LRRC38: variants seen among roughly 807,000 people sequenced by gnomAD.
The protein encoded by LRRC38 is leucine rich repeat containing 38, also known as leucine-rich repeat-containing protein 38.
Under a neutral mutation model 16.4 loss-of-function variants are expected in LRRC38, and 5 were observed. The observed-to-expected ratio is 0.31, with a 90% confidence interval of 0.16 to 0.64. LRRC38 has a LOEUF of 0.64. Among genes scored for constraint, LRRC38 ranks in the 30% least tolerant of loss-of-function variants. LRRC38 has a pLI of 0.80. For synonymous variants in LRRC38, 191 were observed against 190.2 expected (o/e 1.00, Z -0.04); for missense variants, 341 against 401.8 (o/e 0.85, Z 1.29).
chr1:13,475,956 A>T lies in LRRC38; in HGVS notation c.775T>A (p.Ser259Thr). 1 of 1,550,528 alleles carries T rather than the reference A, an allele frequency of 6.4e-7. No individual in the cohort carries two copies. The highest frequency in any genetic ancestry group is 8.7e-7 in the Non-Finnish European group (1 of 1,146,984). Reference sequence around the variant, plus strand: ...AAGCTGGAGATGATGGCCGCAATGGACACGGCCACACCGGAGAAAATGATG... The same window carrying T: ...AAGCTGGAGATGATGGCCGCAATGGTCACGGCCACACCGGAGAAAATGATG... ...CIIIFSGVAV[S>T]IAAIISSFFL... The change falls in exon 2 of 2, where the codon TCC (serine) becomes ACC (threonine). Residue 259 changes from serine (S) to threonine (T), a missense_variant. Transcript: ENST00000376085. The surrounding 1 kb of genome is among the most constrained non-coding windows in gnomAD (Gnocchi z 4.3).
At chr1:13,483,361 T>G (rs2940311) in intron 1 of LRRC38, among the ~76,000 whole-genome samples, 1 of 151,984 alleles carries the variant, frequency 6.6e-6, no homozygotes, top group Non-Finnish European at 1.5e-5. Flanking sequence ...TTTGGCCAGG[T>G]TGGTCTCAAA....
Position 13,475,625 on chromosome 1 carries a change from G to A in LRRC38, c.*221C>T, listed in dbSNP as rs570225268. On this transcript the variant is annotated 3_prime_UTR_variant, in exon 2 of 2. Transcript: ENST00000376085. The surrounding 1 kb of genome is among the most constrained non-coding windows in gnomAD (Gnocchi z 4.3). ...ATCTGAGAGGCAGGTTATGCTCCAGGAATAATTCCCTCCATCCTTCCTGGG... is the reference window on the plus strand; with the variant it reads ...ATCTGAGAGGCAGGTTATGCTCCAGAAATAATTCCCTCCATCCTTCCTGGG... The A allele has an allele frequency of 1.4e-4, 80 of 570,590 alleles. No individual in the cohort carries two copies. Among genetic ancestry groups the A allele is most frequent in the Non-Finnish European group, 2.2e-4 (71 of 328,802 alleles). 35.3% of individuals were successfully genotyped at this position (570,590 alleles called of 1,614,324 possible). A position where few individuals can be genotyped will look rare whatever the true frequency, so the allele number is the denominator to read the frequency against.
intron 1 of LRRC38, among the ~76,000 whole-genome samples, chr1:13,494,183 C>T (rs1167875422): frequency 6.6e-6 from 1 of 152,176 alleles, no homozygotes; most frequent in Admixed American, 6.5e-5. Context: ...CTCACACATA[C>T]CCCTAGGTTG....
intron 1 of LRRC38, among the ~76,000 whole-genome samples, chr1:13,489,984 T>C (rs1020388911): frequency 6.6e-6 from 1 of 151,986 alleles, no homozygotes; most frequent in African/African-American, 2.4e-5. Context: ...GCACCAGGGG[T>C]GTGACCTGTG....
chr1:13,504,892 AAG>A (rs1490004912), intron 1 of LRRC38, among the ~76,000 whole-genome samples: 1 of 152,044 alleles, frequency 6.6e-6, no homozygotes, highest in African/African-American at 2.4e-5. Context: ...GAAACAAAGA[AAG>A]AAAAAACAAA....
chr1:13,505,854 G>A (rs1292491332), intron 1 of LRRC38, among the ~76,000 whole-genome samples: 1 of 152,022 alleles, frequency 6.6e-6, no homozygotes, highest in East Asian at 1.9e-4. Flanking sequence ...CTGGCACTTG[G>A]GCGTGTTCCG....
Position 13,476,119 on chromosome 1 carries a change from GGA to G in LRRC38, c.632-22_632-21del. On this transcript the variant is annotated intron_variant, in intron 1 of 1. Transcript: ENST00000376085. ...CAAGGCCTGAGAAAAGGCAGGCAGAGGAGAGAGAGATTTAGACTGCAGCTCAA... is the reference window on the plus strand; with the variant it reads ...CAAGGCCTGAGAAAAGGCAGGCAGAGGAGAGAGATTTAGACTGCAGCTCAA... 3.9e-6 allele frequency: 6 copies of G among 1,549,168 alleles called. No homozygotes were observed. Among genetic ancestry groups the G allele is most frequent in the Non-Finnish European group, 4.4e-6 (5 of 1,145,832 alleles).
chr1:13,483,057 C>A (rs1282664278), intron 1 of LRRC38, among the ~76,000 whole-genome samples: 1 of 152,212 alleles, frequency 6.6e-6, no homozygotes, highest in Admixed American at 6.5e-5. Context: ...GCCTCCCACT[C>A]TCCCAGGCAC....
chr1:13,490,284 G>A (rs867491417), intron 1 of LRRC38, among the ~76,000 whole-genome samples: 7 of 151,696 alleles, frequency 4.6e-5, no homozygotes, highest in South Asian at 2.1e-4. Flanking sequence ...TCAGCCTCCC[G>A]AGTAGCTGGA....
At chr1:13,479,735 G>T (rs1391871019) in intron 1 of LRRC38, among the ~76,000 whole-genome samples, 1 of 152,174 alleles carries the variant, frequency 6.6e-6, no homozygotes, top group African/African-American at 2.4e-5. Flanking sequence ...GAAAGAAGAA[G>T]AGTTGGACGA....
chr1:13,505,004 G>A (rs527728747), intron 1 of LRRC38, among the ~76,000 whole-genome samples: 2 of 152,250 alleles, frequency 1.3e-5, no homozygotes, highest in Admixed American at 1.3e-4. Flanking sequence ...TGACTGTTCA[G>A]GACCAAGTGT....
chr1:13,512,323 G>A (rs1381151089), intron 1 of LRRC38, among the ~76,000 whole-genome samples: 3 of 152,204 alleles, frequency 2.0e-5, no homozygotes, highest in Non-Finnish European at 4.4e-5. Context: ...CATTGGAAGC[G>A]TGCACCAGGA....
At chr1:13,508,544 A>G (rs1639238162) in intron 1 of LRRC38, among the ~76,000 whole-genome samples, 1 of 152,264 alleles carries the variant, frequency 6.6e-6, no homozygotes, top group African/African-American at 2.4e-5. Flanking sequence ...CAATCTGTTT[A>G]CATATATGTA....
At chr1:13,483,058 T>A (rs12047397) in intron 1 of LRRC38, among the ~76,000 whole-genome samples, 13,516 of 151,908 alleles carry the variant, frequency 0.089, 760 homozygotes, top group East Asian at 0.23. Flanking sequence ...CCTCCCACTC[T>A]CCCAGGCACG....
intron 1 of LRRC38, among the ~76,000 whole-genome samples, chr1:13,493,629 A>C (rs1639044337): frequency 6.6e-6 from 1 of 152,252 alleles, no homozygotes; most frequent in Admixed American, 6.5e-5. Context: ...GTCCTTATAA[A>C]AGGGAGGCAG....
chr1:13,502,192 C>T (rs1639159699), intron 1 of LRRC38, among the ~76,000 whole-genome samples: 2 of 151,522 alleles, frequency 1.3e-5, no homozygotes, highest in South Asian at 2.1e-4. Flanking sequence ...CTGCCCGCCT[C>T]GGCCTCCCAA....
chr1:13,510,711 A>G (rs547421491), intron 1 of LRRC38, among the ~76,000 whole-genome samples: 1 of 152,286 alleles, frequency 6.6e-6, no homozygotes, highest in South Asian at 2.1e-4. Flanking sequence ...GCCAAGCAAG[A>G]CGGTGTTCTT....
chr1:13,489,059 T>C (rs1249989534), intron 1 of LRRC38, among the ~76,000 whole-genome samples: 1 of 152,206 alleles, frequency 6.6e-6, no homozygotes, highest in African/African-American at 2.4e-5. Context: ...GTGGCTCATC[T>C]ACACAGTAAA....
chr1:13,477,896 G>T (rs893082286), intron 1 of LRRC38, among the ~76,000 whole-genome samples: 3 of 152,178 alleles, frequency 2.0e-5, no homozygotes, highest in Admixed American at 1.3e-4. Context: ...GTGAACATAG[G>T]AGAATTTAGC....
Sources: gnomAD v4.1 joint callset for allele counts (sites outside exome capture counted in the v4.1 genomes callset) on GRCh38, gnomAD v4.1.1 for gene constraint, Gnocchi (gnomAD v3.1) non-coding constraint, MANE v1.5 for transcripts, NCBI Gene and HGNC (gene_info 2026-07-23, HGNC 2026-07-21) for gene names.